The following CDC40 variants were observed in gnomAD, a reference collection of about 807,000 sequenced individuals.
CDC40 encodes the protein cell division cycle 40, also known as pre-mRNA-processing factor 17.
Under a neutral mutation model 80.6 loss-of-function variants are expected in CDC40, and 27 were observed. That is an observed-to-expected ratio of 0.33 (90% CI 0.25 to 0.46). The LOEUF (loss-of-function observed/expected upper bound fraction) is 0.46, where lower values mean the gene tolerates loss of function less well. Ranked by LOEUF, CDC40 falls within the 20% of genes least tolerant of loss-of-function variation. The probability of loss-of-function intolerance (pLI) is 1.00; values close to 1 mark genes in which losing one functional copy is unlikely to be tolerated. For synonymous variants in CDC40, 221 were observed against 232.6 expected (o/e 0.95, Z 0.45); for missense variants, 486 against 694.1 (o/e 0.70, Z 3.37).
At chr6:110,194,824 T>A (rs1777398256) in intron 2 of CDC40, among the ~76,000 whole-genome samples, 1 of 152,266 alleles carries the variant, frequency 6.6e-6, no homozygotes. Flanking sequence ...TGAAGCCTGC[T>A]TTTTTCATGA....
In CDC40 at chr6:110,210,878, C is replaced by T. The variant is rs191325675; in HGVS notation, c.727+75C>T. 1.5e-5 allele frequency: 9 copies of T among 595,788 alleles called. No homozygotes were observed. In the African/African-American group the frequency reaches 1.7e-4, roughly 12 times the overall value. The allele number at this position is 595,788 out of a possible 1,614,324, so 36.9% of individuals were successfully genotyped here. A position where few individuals can be genotyped will look rare whatever the true frequency, so the allele number is the denominator to read the frequency against. On this transcript the variant is annotated intron_variant, in intron 6 of 14. Transcript: ENST00000307731. ...ACTCTGTTCGCTGTTCATACAATAT[C>T]AATTACCCTTACTATCAGCTGTAAT... is the stretch of plus-strand genomic sequence containing the variant.
chr6:110,186,601 ATATTC>A (rs1327655687), intron 1 of CDC40, among the ~76,000 whole-genome samples: 2 of 152,164 alleles, frequency 1.3e-5, no homozygotes, highest in African/African-American at 2.4e-5. Context: ...CACTTTTAAG[ATATTC>A]TACTGTCTTC....
intron 12 of CDC40, chr6:110,224,283 C>T (rs1002625936): frequency 6.6e-5 from 10 of 151,866 alleles, no homozygotes; most frequent in African/African-American, 1.2e-4. Flanking sequence ...AGGTTTTTTT[C>T]GTGAATTCAT....
chr6:110,219,896 A>T, intron 12 of CDC40, 27 bp downstream of exon 12: 2 of 1,603,690 alleles, frequency 1.2e-6, no homozygotes, highest in East Asian at 4.5e-5. Flanking sequence ...AGAAAATCTG[A>T]TTTACATAAA....
chr6:110,209,376 A>G (rs1179222816), intron 5 of CDC40, 153 bp downstream of exon 5: 2 of 541,710 alleles, frequency 3.7e-6, no homozygotes, highest in Non-Finnish European at 6.5e-6. Context: ...AATAAAATTT[A>G]TTTGTTTTTC....
At chr6:110,227,882 G>A (rs1038384623) in intron 13 of CDC40, among the ~76,000 whole-genome samples, 3 of 152,100 alleles carry the variant, frequency 2.0e-5, no homozygotes, top group Non-Finnish European at 4.4e-5. Flanking sequence ...TGCAGATCCT[G>A]GAACCAATTC....
chr6:110,196,393 C>T (rs1777419627), intron 2 of CDC40, among the ~76,000 whole-genome samples: 1 of 152,174 alleles, frequency 6.6e-6, no homozygotes, highest in African/African-American at 2.4e-5. Context: ...ATTTTTCTCA[C>T]ATAATGGATA....
intron 9 of CDC40, 91 bp from the exon 10 acceptor site, chr6:110,217,611 A>T: frequency 1.4e-6 from 1 of 714,674 alleles, no homozygotes; most frequent in Non-Finnish European, 2.6e-6. Context: ...ACCACTGCTT[A>T]GTGCTGTTTG....
chr6:110,197,022 T>C (rs574474001), intron 2 of CDC40, among the ~76,000 whole-genome samples: 28 of 152,332 alleles, frequency 1.8e-4, no homozygotes, highest in African/African-American at 6.3e-4. Context: ...TTTAGTAGTA[T>C]AAATTGTCTT....
intron 2 of CDC40, among the ~76,000 whole-genome samples, chr6:110,194,945 T>G (rs768599625): frequency 6.6e-6 from 1 of 152,220 alleles, no homozygotes; most frequent in Non-Finnish European, 1.5e-5. Context: ...TTTGTGGGAT[T>G]TCAGTCCTTT....
chr6:110,202,683 TTTTGTTTGTTTG>T (rs142809638), intron 3 of CDC40, among the ~76,000 whole-genome samples: 1 of 152,100 alleles, frequency 6.6e-6, no homozygotes, highest in Admixed American at 6.5e-5. Context: ...GGTTGTGTTT[TTTTGTTTGTTTG>T]TTTGTTTGTT....
chr6:110,201,739 A>G (rs963691737), intron 3 of CDC40, 52 bp downstream of exon 3: 1 of 1,525,288 alleles, frequency 6.6e-7, no homozygotes, highest in African/African-American at 1.4e-5. Flanking sequence ...TAGAAGTGTG[A>G]TCTGTGTGTG....
chr6:110,198,043 A>G (rs1463494691), intron 2 of CDC40, among the ~76,000 whole-genome samples: 4 of 152,112 alleles, frequency 2.6e-5, no homozygotes, highest in Non-Finnish European at 4.4e-5. Context: ...TTTTCTCCAG[A>G]ACATCCTTGC....
At chr6:110,187,445 G>T (rs991188332) in intron 1 of CDC40, among the ~76,000 whole-genome samples, 1 of 152,070 alleles carries the variant, frequency 6.6e-6, no homozygotes, top group Non-Finnish European at 1.5e-5. Flanking sequence ...TTCATGTGTG[G>T]TATTTCCTAT....
intron 3 of CDC40, among the ~76,000 whole-genome samples, chr6:110,206,224 ACCT>A (rs1201860348): frequency 6.6e-6 from 1 of 151,882 alleles, no homozygotes; most frequent in Admixed American, 6.6e-5. Context: ...TGCAAGCTAC[ACCT>A]CCCCGGTTCA....
chr6:110,193,303 A>G (rs1562200320), intron 2 of CDC40, 35 bp downstream of exon 2: 1 of 1,215,532 alleles, frequency 8.2e-7, no homozygotes. Flanking sequence ...GACTTTTGCT[A>G]AAGAATTTAA....
At chr6:110,216,150 A>G (rs1777697179) in intron 9 of CDC40, among the ~76,000 whole-genome samples, 1 of 152,234 alleles carries the variant, frequency 6.6e-6, no homozygotes, top group African/African-American at 2.4e-5. Flanking sequence ...AAGCATAAAA[A>G]AAGGATGAGA....
In CDC40 at chr6:110,205,191, TATA is replaced by T. The variant is rs537199003; in HGVS notation, c.407-2307_407-2305del. Among the ~76,000 whole-genome samples, 7 of 152,260 alleles carry T rather than the reference TATA, an allele frequency of 4.6e-5. No homozygotes were observed. In the South Asian group the frequency reaches 1.4e-3, roughly 32 times the overall value. The stretch of plus-strand genomic sequence containing the variant: ...ATTATTAGTTTAATAATCTTAAGGG[TATA>T]ATAATAAAATCAATATTATGGCCAT... On this transcript the variant is annotated intron_variant, in intron 3 of 14. Transcript: ENST00000307731.
At chr6:110,214,602 C>G (rs1462636647) in intron 8 of CDC40, among the ~76,000 whole-genome samples, 2 of 152,154 alleles carry the variant, frequency 1.3e-5, no homozygotes. Context: ...TCTCAGAGGT[C>G]GTTTCCTAGT....
Sources: allele counts gnomAD v4.1 joint callset (sites outside exome capture counted in the v4.1 genomes callset), GRCh38; gene constraint gnomAD v4.1.1; transcripts MANE v1.5; gene names NCBI Gene and HGNC (gene_info 2026-07-23, HGNC 2026-07-21).